The following KALRN variants were observed in gnomAD, a reference collection of about 807,000 sequenced individuals.
The protein encoded by KALRN is kalirin.
A neutral mutation model predicts 353.7 loss-of-function variants in KALRN; 70 were observed. That is an observed-to-expected ratio of 0.20 (90% confidence interval 0.16 to 0.24). The LOEUF is 0.24. Ranked by LOEUF, KALRN falls within the 10% of genes least tolerant of loss-of-function variation. The pLI, the probability that KALRN is intolerant of heterozygous loss-of-function variation, is 1.00. For missense variants in KALRN, 2,791 were observed against 3,756.7 expected (o/e 0.74, Z 6.72); for synonymous variants, 1,391 against 1,434.8 (o/e 0.97, Z 0.69).
intron 5 of KALRN, among the ~76,000 whole-genome samples, chr3:124,291,845 C>A (rs900512727): frequency 2.0e-5 from 3 of 151,848 alleles, no homozygotes; most frequent in Non-Finnish European, 4.4e-5. Context: ...TAAAAGTATG[C>A]CAACTGACAT....
chr3:124,091,699 C>T (rs1444316779), intron 1 of KALRN, among the ~76,000 whole-genome samples: 2 of 152,128 alleles, frequency 1.3e-5, no homozygotes, highest in African/African-American at 4.8e-5. Flanking sequence ...CCCTGGAAAA[C>T]ATGTCTCTGT....
At chr3:124,469,533 C>T (rs1561045221) in intron 25 of KALRN, among the ~76,000 whole-genome samples, 2 of 152,208 alleles carry the variant, frequency 1.3e-5, no homozygotes, top group Non-Finnish European at 1.5e-5. Context: ...TCTGCCTGGT[C>T]ATTAATGGAT....
chr3:124,525,214 G>A (rs760495285), intron 33 of KALRN, among the ~76,000 whole-genome samples: 21 of 152,170 alleles, frequency 1.4e-4, no homozygotes, highest in Admixed American at 7.9e-4. Context: ...AATGGTAGCC[G>A]TAGTTAGAAT....
In KALRN at chr3:124,721,431, C is replaced by T. The variant is rs1473120003; in HGVS notation, c.*1961C>T. The T allele has an allele frequency of 6.6e-6, 1 of 152,120 alleles. No individual in the cohort carries two copies. Among genetic ancestry groups the T allele is most frequent in the African/African-American group, 2.4e-5 (1 of 41,418 alleles). 9.4% of individuals were successfully genotyped at this position (152,120 alleles called of 1,614,324 possible). On this transcript the variant is annotated 3_prime_UTR_variant, in exon 60 of 60. Coordinates refer to ENST00000682506, the MANE Select transcript of KALRN (RefSeq NM_001388419.1). ...TAACCCCTATAGTCTTCATTTGGACCTTTATGTATTTACAAACACTCTATG... is the reference window on the plus strand; with the variant it reads ...TAACCCCTATAGTCTTCATTTGGACTTTTATGTATTTACAAACACTCTATG...
At chr3:124,642,816 T>TG (rs1559750191) in intron 37 of KALRN, among the ~76,000 whole-genome samples, 8 of 140,152 alleles carry the variant, frequency 5.7e-5, no homozygotes, top group South Asian at 2.3e-4. Flanking sequence ...GTTTTTTTTT[T>TG]TTTTTTTTTT....
Position 124,131,596 on chromosome 3 carries a change from G to A in KALRN, c.74-96394G>A, listed in dbSNP as rs541582578. Reference sequence around the variant, plus strand: ...CAATGCTGTGACTTTAAAGAATTGGGCAGTGATTTATGAATCATCATGGTA... The same window carrying A: ...CAATGCTGTGACTTTAAAGAATTGGACAGTGATTTATGAATCATCATGGTA... On this transcript the variant is annotated intron_variant, in intron 1 of 59. Coordinates refer to ENST00000682506, the MANE Select transcript of KALRN (RefSeq NM_001388419.1). Among the ~76,000 whole-genome samples the A allele has an allele frequency of 3.9e-5, 6 of 152,264 alleles. No individual in the cohort carries two copies. In the East Asian group the frequency reaches 9.6e-4, roughly 24 times the overall value.
intron 7 of KALRN, among the ~76,000 whole-genome samples, chr3:124,327,805 G>GTT (rs2080078122): frequency 6.6e-6 from 1 of 152,152 alleles, no homozygotes; most frequent in Non-Finnish European, 1.5e-5. Context: ...TTCTCCCTCT[G>GTT]TTACCCTCTC....
At chr3:124,327,733 C>A (rs987181182) in intron 7 of KALRN, among the ~76,000 whole-genome samples, 4 of 152,220 alleles carry the variant, frequency 2.6e-5, no homozygotes, top group African/African-American at 9.7e-5. Flanking sequence ...ACAATTCTTT[C>A]TTTGCATCAC....
At chr3:124,102,262 C>T (rs1003121050) in intron 1 of KALRN, among the ~76,000 whole-genome samples, 3 of 152,146 alleles carry the variant, frequency 2.0e-5, no homozygotes, top group African/African-American at 7.2e-5. Context: ...AACACACACC[C>T]GTTTGAAACA....
intron 14 of KALRN, among the ~76,000 whole-genome samples, chr3:124,422,304 A>T (rs2092817495): frequency 1.3e-5 from 2 of 152,158 alleles, no homozygotes; most frequent in South Asian, 4.1e-4. Flanking sequence ...ATTTAAAAGG[A>T]ATTTTTAAAA....
chr3:124,559,966 T>C (rs545318973), intron 33 of KALRN, among the ~76,000 whole-genome samples: 2 of 152,374 alleles, frequency 1.3e-5, no homozygotes, highest in African/African-American at 4.8e-5. Context: ...AAATTGCCCA[T>C]TGATCTTGTT....
chr3:124,332,446 G>A (rs1165384169), intron 8 of KALRN, among the ~76,000 whole-genome samples: 1 of 152,126 alleles, frequency 6.6e-6, no homozygotes, highest in African/African-American at 2.4e-5. Flanking sequence ...TTTTGGGGAA[G>A]GCTCCAAGCC....
chr3:124,455,449 C>G (rs1317697915), intron 22 of KALRN, 90 bp downstream of exon 22: 1 of 1,313,882 alleles, frequency 7.6e-7, no homozygotes, highest in Non-Finnish European at 1.0e-6. Context: ...AAGCATGTTT[C>G]CAGAGCAGTT....
In KALRN at chr3:124,555,414, A is replaced by AAAATAAAT. The variant is rs199686367; in HGVS notation, c.4936-7385_4936-7378dup. On this transcript the variant is annotated intron_variant, in intron 33 of 59. Coordinates refer to ENST00000682506, the MANE Select transcript of KALRN (RefSeq NM_001388419.1). ...GGGTGACAGAGCGAGACTCTGTCCC[A>AAAATAAAT]AAATAAATAAATAAATAAATAAATA... 1.6e-3 allele frequency among the ~76,000 whole-genome samples: 213 copies of AAAATAAAT among 137,188 alleles called. 1 individual carries two copies. Among genetic ancestry groups the AAAATAAAT allele is most frequent in the Non-Finnish European group, 1.9e-3 (119 of 64,246 alleles). 90.0% of individuals were successfully genotyped at this position (137,188 alleles called of 152,430 possible).
chr3:124,085,004 G>A (rs1043734652), intron 1 of KALRN, among the ~76,000 whole-genome samples: 3 of 152,088 alleles, frequency 2.0e-5, no homozygotes, highest in Admixed American at 2.0e-4. Context: ...ACCATGTAAC[G>A]ACACAGTCAC....
At chr3:124,484,516 C>T (rs1396344627) in intron 28 of KALRN, among the ~76,000 whole-genome samples, 3 of 152,180 alleles carry the variant, frequency 2.0e-5, no homozygotes, top group African/African-American at 4.8e-5. Context: ...AGTGTGCAGC[C>T]ACCCCAGCTG....
At chr3:124,117,104 C>A (rs2063523927) in intron 1 of KALRN, among the ~76,000 whole-genome samples, 1 of 152,170 alleles carries the variant, frequency 6.6e-6, no homozygotes, top group Admixed American at 6.5e-5. Flanking sequence ...ATCCTCCAGC[C>A]CCTAGCCCCT....
chr3:124,665,228 C>T (rs2150295847), intron 45 of KALRN, among the ~76,000 whole-genome samples: 1 of 152,286 alleles, frequency 6.6e-6, no homozygotes, highest in African/African-American at 2.4e-5. Flanking sequence ...TCTGATTGCT[C>T]TCTCTGATGT....
chr3:124,205,301 G>A (rs1206931823), intron 1 of KALRN, among the ~76,000 whole-genome samples: 1 of 152,176 alleles, frequency 6.6e-6, no homozygotes, highest in Non-Finnish European at 1.5e-5. Flanking sequence ...TCAGAAACCA[G>A]AACAAGCAGG....
Sources: allele counts gnomAD v4.1 joint callset (sites outside exome capture counted in the v4.1 genomes callset), GRCh38; gene constraint gnomAD v4.1.1; transcripts MANE v1.5; gene names NCBI Gene and HGNC (gene_info 2026-07-23, HGNC 2026-07-21).